Variants in VPS36 observed in about 807,000 individuals in gnomAD.
The protein encoded by VPS36 is vacuolar protein-sorting-associated protein 36.
In VPS36, 31 loss-of-function variants were observed where a neutral mutation model predicts 63.5. That is an observed-to-expected ratio of 0.49 (90% CI 0.37 to 0.66). VPS36 has a LOEUF of 0.66. VPS36 is among the 30% of genes least tolerant of loss of function. VPS36 has a pLI of 0.00. For missense variants in VPS36, 338 were observed against 463.7 expected (o/e 0.73, Z 2.49); for synonymous variants, 138 against 157.2 (o/e 0.88, Z 0.91).
chr13:52,437,712 T>C (rs1172287783), intron 3 of VPS36, among the ~76,000 whole-genome samples: 1 of 151,998 alleles, frequency 6.6e-6, no homozygotes, highest in African/African-American at 2.4e-5. Flanking sequence ...GGGTGGATCA[T>C]GAGGTCAGGA....
chr13:52,436,376 C>A lies in VPS36; in HGVS notation c.265G>T (p.Ala89Ser). Reference sequence around the variant, plus strand: ...GGGCCAGGTTCTTTGTTAGGAGGAGCTGGGTGAAGATGAACCACTATTTTG... The same window carrying A: ...GGGCCAGGTTCTTTGTTAGGAGGAGATGGGTGAAGATGAACCACTATTTTG... ...SAKIVVHLHP[A>S]PPNKEPGPFQ... is the part of the protein sequence containing the mutation. The change falls in exon 4 of 14, where the codon GCT becomes TCT. Residue 89 changes from alanine (A) to serine (S), a missense_variant. Physicochemically the swap from Ala to Ser is moderately conservative, Grantham distance 99 (BLOSUM62 1). Coordinates refer to ENST00000378060, the MANE Select transcript of VPS36 (RefSeq NM_016075.4). 1 of 1,612,702 alleles carries A rather than the reference C, an allele frequency of 6.2e-7. No homozygotes were observed. Among genetic ancestry groups the A allele is most frequent in the South Asian group, 1.1e-5 (1 of 90,592 alleles).
chr13:52,434,785 A>T lies in VPS36; in HGVS notation c.441+8T>A. On this transcript the variant is annotated splice_region_variant and intron_variant, in intron 5 of 13. Transcript: ENST00000378060. ...AAATACTGGATTAGCAAATAGTTTT[A>T]AAAATACCTGGGGTCCTCTATTTGT... 1 of 1,608,850 alleles carries T rather than the reference A, an allele frequency of 6.2e-7. No homozygotes were observed. Among genetic ancestry groups the T allele is most frequent in the South Asian group, 1.1e-5 (1 of 90,172 alleles).
intron 10 of VPS36, among the ~76,000 whole-genome samples, chr13:52,419,877 G>C (rs1958028726): frequency 6.6e-6 from 1 of 152,184 alleles, no homozygotes; most frequent in African/African-American, 2.4e-5. Flanking sequence ...ATGGTCACTA[G>C]AGGGTGGGAA....
chr13:52,423,786 C>A (rs890064784), intron 9 of VPS36, 147 bp from the exon 10 acceptor site: 2 of 623,378 alleles, frequency 3.2e-6, no homozygotes, highest in Non-Finnish European at 5.4e-6. Flanking sequence ...CAAAGGAGAA[C>A]CTATTCAGAT....
At chr13:52,422,262 G>C (rs1402435938) in intron 10 of VPS36, among the ~76,000 whole-genome samples, 2 of 152,086 alleles carry the variant, frequency 1.3e-5, no homozygotes. Flanking sequence ...AGGACTTCCA[G>C]TTTCTCCATG....
At chr13:52,437,913 A>G (rs1403942403) in intron 3 of VPS36, among the ~76,000 whole-genome samples, 5 of 151,900 alleles carry the variant, frequency 3.3e-5, no homozygotes, top group Non-Finnish European at 7.4e-5. Context: ...CTGGGCAACA[A>G]AGCAAGACGC....
intron 12 of VPS36, among the ~76,000 whole-genome samples, chr13:52,416,641 TAC>T (rs1304593617): frequency 6.6e-6 from 1 of 152,234 alleles, no homozygotes; most frequent in Non-Finnish European, 1.5e-5. Flanking sequence ...CCATCTAAAC[TAC>T]AGTTGCTTTT....
intron 1 of VPS36, chr13:52,450,075 G>A: frequency 2.0e-6 from 2 of 988,540 alleles, no homozygotes; most frequent in African/African-American, 3.5e-5. Flanking sequence ...AGGCGAAACG[G>A]GGCTGTCCGG....
chr13:52,449,859 T>C (rs1243409238), intron 1 of VPS36: 2 of 947,862 alleles, frequency 2.1e-6, no homozygotes, highest in Non-Finnish European at 2.5e-6. Flanking sequence ...AGAACGCCTT[T>C]CTAAAGCAAT....
chr13:52,450,183 C>T (rs1219647626), intron 1 of VPS36: 8 of 1,024,702 alleles, frequency 7.8e-6, no homozygotes, highest in African/African-American at 1.7e-5. Context: ...GCGAGCGCTC[C>T]TTCTCCCGGG....
intron 6 of VPS36, 46 bp downstream of exon 6, chr13:52,433,616 G>A: frequency 1.4e-6 from 2 of 1,445,966 alleles, no homozygotes; most frequent in South Asian, 2.4e-5. Context: ...TAAAAGAATA[G>A]ACACAAATGG....
chr13:52,437,330 C>T (rs1157314417), intron 3 of VPS36, among the ~76,000 whole-genome samples: 1 of 152,118 alleles, frequency 6.6e-6, no homozygotes, highest in Non-Finnish European at 1.5e-5. Flanking sequence ...TGGTAAACTT[C>T]TTTAAGTGAA....
intron 6 of VPS36, among the ~76,000 whole-genome samples, chr13:52,433,098 C>T (rs536923574): frequency 7.5e-4 from 114 of 152,268 alleles, no homozygotes; most frequent in African/African-American, 2.6e-3. Flanking sequence ...TAATGCATAA[C>T]TGGTCTTTTT....
rs141375010 is a variant in VPS36, at chr13:52,425,417, G to A, written c.774+515C>T. 3.7e-3 allele frequency among the ~76,000 whole-genome samples: 557 copies of A among 152,296 alleles called. 2 individuals carry two copies. The highest frequency in any genetic ancestry group is 0.012 in the African/African-American group (500 of 41,558). ...TTACAGATAAAGTGATGTGATGTCT[G>A]GGATTTGCTTTAAAATAATTTTGAG... On this transcript the variant is annotated intron_variant, in intron 9 of 13. Coordinates refer to ENST00000378060, the MANE Select transcript of VPS36 (RefSeq NM_016075.4).
intron 4 of VPS36, among the ~76,000 whole-genome samples, chr13:52,435,146 T>C (rs1169743191): frequency 6.6e-6 from 1 of 151,906 alleles, no homozygotes; most frequent in African/African-American, 2.4e-5. Flanking sequence ...TAATTTTGTA[T>C]TTTTAGTAGA....
At chr13:52,429,708 C>G (rs1958136604) in intron 6 of VPS36, among the ~76,000 whole-genome samples, 1 of 152,070 alleles carries the variant, frequency 6.6e-6, no homozygotes, top group East Asian at 1.9e-4. Flanking sequence ...CTATGTGACT[C>G]CAAAAAAATT....
chr13:52,446,630 T>A (rs1166936131), intron 1 of VPS36, among the ~76,000 whole-genome samples: 1 of 152,138 alleles, frequency 6.6e-6, no homozygotes, highest in Non-Finnish European at 1.5e-5. Context: ...TAATTTACAT[T>A]TTTTCTGTTA....
At chr13:52,418,165 C>G (rs770067472) in intron 10 of VPS36, 109 bp from the exon 11 acceptor site, 5 of 957,038 alleles carry the variant, frequency 5.2e-6, no homozygotes, top group Non-Finnish European at 7.5e-6. Flanking sequence ...GATTTAATCA[C>G]TACAAAGCAA....
intron 6 of VPS36, 25 bp from the exon 7 acceptor site, chr13:52,427,244 T>C (rs775446343): frequency 1.2e-5 from 20 of 1,611,444 alleles, no homozygotes; most frequent in Non-Finnish European, 1.7e-5. Context: ...GAATTTTGGT[T>C]GAAATCCATC....
Sources: gnomAD v4.1 joint callset for allele counts (sites outside exome capture counted in the v4.1 genomes callset) on GRCh38, gnomAD v4.1.1 for gene constraint, MANE v1.5 for transcripts, NCBI Gene and HGNC (gene_info 2026-07-23, HGNC 2026-07-21) for gene names.